Variants in LRRC4C observed in about 807,000 individuals in gnomAD.
LRRC4C encodes the protein leucine rich repeat containing 4C.
LRRC4C carries 5 observed loss-of-function variants against 33.6 expected under a neutral mutation model. The observed-to-expected ratio is 0.15, with a 90% CI of 0.08 to 0.31. The LOEUF is 0.31. Among genes scored for constraint, LRRC4C ranks in the 10% least tolerant of loss-of-function variants. The pLI, the probability that LRRC4C is intolerant of heterozygous loss-of-function variation, is 1.00. For missense variants in LRRC4C, 560 were observed against 796.7 expected, an observed-to-expected ratio of 0.70 and a Z score of 3.58; for synonymous variants, 329 against 302.0, an observed-to-expected ratio of 1.09 and a Z score of -0.93.
chr11:40,583,323 A>G (rs1259686789), intron 3 of LRRC4C, among the ~76,000 whole-genome samples: 1 of 152,196 alleles, frequency 6.6e-6, no homozygotes, highest in South Asian at 2.1e-4. Context: ...CTGCTATAAT[A>G]AACAGCAAGT....
At chr11:40,426,591 T>C (rs1211589895) in intron 3 of LRRC4C, among the ~76,000 whole-genome samples, 1 of 152,204 alleles carries the variant, frequency 6.6e-6, no homozygotes, top group African/African-American at 2.4e-5. Flanking sequence ...TTAGCATTTA[T>C]CAGCCTCTGA....
intron 1 of LRRC4C, among the ~76,000 whole-genome samples, chr11:41,174,822 G>T (rs1183950342): frequency 6.6e-6 from 1 of 151,716 alleles, no homozygotes; most frequent in East Asian, 1.9e-4. Flanking sequence ...CCTAGACTTG[G>T]ATCTTAGAAA....
chr11:40,366,588 C>T (rs567940859), intron 3 of LRRC4C, among the ~76,000 whole-genome samples: 2 of 152,000 alleles, frequency 1.3e-5, no homozygotes, highest in Admixed American at 6.6e-5. Context: ...ATATAACATA[C>T]GTGTATATAT....
At chr11:41,192,322 A>ATG (rs112844436) in intron 1 of LRRC4C, among the ~76,000 whole-genome samples, 10,769 of 146,110 alleles carry the variant, frequency 0.074, 387 homozygotes, top group Middle Eastern at 0.089. Flanking sequence ...CATGAATTAA[A>ATG]TGTGTGTGTG....
intron 1 of LRRC4C, among the ~76,000 whole-genome samples, chr11:41,303,145 G>A (rs550347896): frequency 1.7e-5 from 2 of 120,622 alleles, no homozygotes; most frequent in African/African-American, 5.9e-5. Context: ...CCTCTCATGC[G>A]GAGCCGAAGC....
intron 4 of LRRC4C, chr11:40,292,510 C>T (rs893302281): frequency 4.6e-5 from 7 of 152,110 alleles, no homozygotes; most frequent in African/African-American, 1.7e-4. Context: ...CACCACCACA[C>T]CAGTTCTTTA....
chr11:40,391,979 TATCA>T (rs112351054), intron 3 of LRRC4C, among the ~76,000 whole-genome samples: 6 of 152,270 alleles, frequency 3.9e-5, no homozygotes, highest in African/African-American at 1.4e-4. Context: ...AGAAATGAGC[TATCA>T]ATCCAAGAAA....
intron 1 of LRRC4C, among the ~76,000 whole-genome samples, chr11:41,037,279 TG>T (rs754929003): frequency 6.5e-5 from 6 of 92,436 alleles, no homozygotes; most frequent in African/African-American, 1.8e-4. Flanking sequence ...CTATCTTTGA[TG>T]GGTTTTTTTT....
intron 1 of LRRC4C, among the ~76,000 whole-genome samples, chr11:40,955,974 T>G (rs2136791050): frequency 6.6e-6 from 1 of 151,934 alleles, no homozygotes; most frequent in East Asian, 1.9e-4. Flanking sequence ...GCAGTCTTCT[T>G]CAAATTAGAA....
At chr11:40,284,943 T>A (rs1488510108) in intron 4 of LRRC4C, among the ~76,000 whole-genome samples, 2 of 152,096 alleles carry the variant, frequency 1.3e-5, no homozygotes, top group Non-Finnish European at 1.5e-5. Context: ...CAATGGACAC[T>A]TATGTAGGGT....
At chr11:40,909,583 A>C (rs1956575258) in intron 2 of LRRC4C, among the ~76,000 whole-genome samples, 1 of 152,116 alleles carries the variant, frequency 6.6e-6, no homozygotes, top group Admixed American at 6.5e-5. Flanking sequence ...CCCATAATGA[A>C]GCATATAGAC....
chr11:40,596,012 G>A (rs560922438), intron 3 of LRRC4C, among the ~76,000 whole-genome samples: 2 of 152,150 alleles, frequency 1.3e-5, no homozygotes, highest in African/African-American at 4.8e-5. Context: ...GTCTGTCCTC[G>A]CGAAAGAGTG....
chr11:40,486,113 A>C (rs1300731985), intron 3 of LRRC4C, among the ~76,000 whole-genome samples: 3 of 151,704 alleles, frequency 2.0e-5, no homozygotes, highest in Admixed American at 1.3e-4. Flanking sequence ...TTACCTGTGT[A>C]ACAAACCTGC....
chr11:40,423,638 C>T (rs1950609561), intron 3 of LRRC4C, among the ~76,000 whole-genome samples: 2 of 152,158 alleles, frequency 1.3e-5, no homozygotes, highest in Non-Finnish European at 2.9e-5. Flanking sequence ...GCCACCGCGT[C>T]CGGCTGTTCA....
chr11:41,141,543 C>A (rs1943506234), intron 1 of LRRC4C, among the ~76,000 whole-genome samples: 1 of 152,066 alleles, frequency 6.6e-6, no homozygotes, highest in Non-Finnish European at 1.5e-5. Flanking sequence ...TTGTAATAAC[C>A]CCCATGAGTC....
At chr11:40,740,227 T>G (rs1948092410) in intron 2 of LRRC4C, among the ~76,000 whole-genome samples, 1 of 152,008 alleles carries the variant, frequency 6.6e-6, no homozygotes, top group Non-Finnish European at 1.5e-5. Flanking sequence ...TTTAATTTTT[T>G]GATGAACCTT....
chr11:40,895,906 G>C (rs755979118), intron 2 of LRRC4C, among the ~76,000 whole-genome samples: 30 of 152,252 alleles, frequency 2.0e-4, no homozygotes, highest in Non-Finnish European at 3.2e-4. Context: ...ATTTCCCTTA[G>C]TGCTTTTGAA....
chr11:40,661,176 A>G (rs1943413986), intron 2 of LRRC4C, among the ~76,000 whole-genome samples: 1 of 151,902 alleles, frequency 6.6e-6, no homozygotes, highest in South Asian at 2.1e-4. Context: ...AAATGTGTTA[A>G]TATATTGATT....
intron 2 of LRRC4C, among the ~76,000 whole-genome samples, chr11:40,821,919 T>C (rs1430881489): frequency 1.3e-5 from 2 of 151,792 alleles, no homozygotes; most frequent in Admixed American, 6.6e-5. Flanking sequence ...TATGTATATG[T>C]GATATCTTGA....
Sources: allele counts gnomAD v4.1 joint callset (sites outside exome capture counted in the v4.1 genomes callset), GRCh38; gene constraint gnomAD v4.1.1; transcripts MANE v1.5; gene names NCBI Gene and HGNC (gene_info 2026-07-23, HGNC 2026-07-21).